Variants in VAV3 observed in about 807,000 individuals in gnomAD.
The protein encoded by VAV3 is vav guanine nucleotide exchange factor 3.
In VAV3, 94 loss-of-function variants were observed where a neutral mutation model predicts 131.2. The observed-to-expected ratio is 0.72, with a 90% CI of 0.61 to 0.85. The LOEUF (loss-of-function observed/expected upper bound fraction) is 0.85, where lower values mean the gene tolerates loss of function less well. Ranked by LOEUF, VAV3 falls within the 40% of genes least tolerant of loss-of-function variation. VAV3 has a pLI of 0.00. For synonymous variants in VAV3, 349 were observed against 342.0 expected, an observed-to-expected ratio of 1.02 and a Z score of -0.22; for missense variants, 939 against 1,002.7, an observed-to-expected ratio of 0.94 and a Z score of 0.86.
In VAV3 at chr1:107,777,315, A is replaced by G; in HGVS notation, c.381-19T>C. On this transcript the variant is annotated intron_variant, in intron 3 of 26. Coordinates refer to ENST00000370056, the MANE Select transcript of VAV3 (RefSeq NM_006113.5). ...GAAGGGCCTAGGAAGAGGAGAAAAA[A>G]CAAAAACAAAAAAACAAACCCATGA... is the stretch of plus-strand genomic sequence containing the variant. 6.2e-7 allele frequency: 1 copy of G among 1,611,420 alleles called. No homozygotes were observed. Among genetic ancestry groups the G allele is most frequent in the Non-Finnish European group, 8.5e-7 (1 of 1,178,606 alleles).
At chr1:107,878,029 GTTTA>G (rs1670587282) in intron 1 of VAV3, among the ~76,000 whole-genome samples, 3 of 151,576 alleles carry the variant, frequency 2.0e-5, no homozygotes, top group Non-Finnish European at 4.4e-5. Context: ...TTTTTTTCCA[GTTTA>G]TTTATTTTAT....
chr1:107,757,374 C>A, intron 10 of VAV3, 45 bp from the exon 11 acceptor site: 1 of 1,453,950 alleles, frequency 6.9e-7, no homozygotes, highest in Non-Finnish European at 9.5e-7. Context: ...CAAATTAAAA[C>A]TAAGACATAC....
At chr1:107,908,569 T>C (rs1672212841) in intron 1 of VAV3, among the ~76,000 whole-genome samples, 1 of 152,174 alleles carries the variant, frequency 6.6e-6, no homozygotes, top group Non-Finnish European at 1.5e-5. Context: ...GTGTACTGCA[T>C]TTGTAACATG....
At chr1:107,896,814 T>C (rs1386959923) in intron 1 of VAV3, among the ~76,000 whole-genome samples, 2 of 152,208 alleles carry the variant, frequency 1.3e-5, no homozygotes, top group African/African-American at 4.8e-5. Flanking sequence ...GTTTTTGTTA[T>C]GTATTAGAGG....
At chr1:107,736,388 T>C (rs1490324435) in intron 15 of VAV3, among the ~76,000 whole-genome samples, 1 of 152,046 alleles carries the variant, frequency 6.6e-6, no homozygotes, top group African/African-American at 2.4e-5. Context: ...AAATAAAGGG[T>C]ATTCAATTAG....
chr1:107,837,809 T>C (rs1043596434), intron 2 of VAV3, among the ~76,000 whole-genome samples: 6 of 152,142 alleles, frequency 3.9e-5, no homozygotes, highest in Non-Finnish European at 7.4e-5. Flanking sequence ...TTTCAATAAA[T>C]GGTACTGGCA....
chr1:107,814,145 T>C (rs903530141), intron 2 of VAV3, among the ~76,000 whole-genome samples: 7 of 152,150 alleles, frequency 4.6e-5, no homozygotes, highest in African/African-American at 1.7e-4. Context: ...ATATACTTTT[T>C]TTCTTTCCTT....
intron 19 of VAV3, among the ~76,000 whole-genome samples, chr1:107,658,434 C>A (rs1270497816): frequency 1.5e-4 from 23 of 152,220 alleles, no homozygotes; most frequent in African/African-American, 5.5e-4. Flanking sequence ...TTTATAGCAG[C>A]ATGATTTATA....
At chr1:107,917,351 TTC>T in intron 1 of VAV3, among the ~76,000 whole-genome samples, 1 of 152,114 alleles carries the variant, frequency 6.6e-6, no homozygotes, top group Non-Finnish European at 1.5e-5. Flanking sequence ...TTCATGGACA[TTC>T]TGACACAATC....
At chr1:107,720,146 A>G (rs1237390961) in intron 15 of VAV3, among the ~76,000 whole-genome samples, 1 of 152,136 alleles carries the variant, frequency 6.6e-6, no homozygotes, top group Non-Finnish European at 1.5e-5. Flanking sequence ...CCAACACAGC[A>G]CATGTATACA....
rs1675008919 is a variant in VAV3 at position 107,960,054 on chromosome 1, T to G, written c.204+4612A>C. ...AGCCTATTCTTCCCACCATCTGCCCTGCTATTGCTTTGGTAAAAGCCGCCA... is the reference window on the plus strand; with the variant it reads ...AGCCTATTCTTCCCACCATCTGCCCGGCTATTGCTTTGGTAAAAGCCGCCA... On this transcript the variant is annotated intron_variant, in intron 1 of 26. Transcript: ENST00000370056. Among the ~76,000 whole-genome samples, 4 of 152,222 alleles carry G rather than the reference T, an allele frequency of 2.6e-5. No homozygotes were observed. In the South Asian group the frequency reaches 6.2e-4, roughly 24 times the overall value.
intron 1 of VAV3, among the ~76,000 whole-genome samples, chr1:107,958,218 C>A (rs886841622): frequency 6.6e-6 from 1 of 152,196 alleles, no homozygotes; most frequent in Admixed American, 6.5e-5. Context: ...TGTTACTAGG[C>A]ACACCATTCT....
chr1:107,832,388 G>C (rs17020148), intron 2 of VAV3, among the ~76,000 whole-genome samples: 14,188 of 152,240 alleles, frequency 0.093, 839 homozygotes, highest in East Asian at 0.25. Flanking sequence ...GATAAGAACA[G>C]GAAGAACCTT....
At chr1:107,684,381 G>A (rs1268497825) in intron 18 of VAV3, among the ~76,000 whole-genome samples, 1 of 152,196 alleles carries the variant, frequency 6.6e-6, no homozygotes, top group Non-Finnish European at 1.5e-5. Flanking sequence ...CTTTTTATGT[G>A]TTGGGGTTTG....
chr1:107,632,255 T>C (rs991505732), intron 20 of VAV3, among the ~76,000 whole-genome samples: 4 of 152,192 alleles, frequency 2.6e-5, no homozygotes, highest in Non-Finnish European at 4.4e-5. Context: ...TAAAATCTAC[T>C]TATGCCTGGG....
At chr1:107,594,286 T>C (rs1651194646) in intron 25 of VAV3, among the ~76,000 whole-genome samples, 1 of 152,122 alleles carries the variant, frequency 6.6e-6, no homozygotes, top group East Asian at 1.9e-4. Flanking sequence ...AGGAACTTTG[T>C]CTTCTTAATT....
chr1:107,636,090 TAAGGA>T (rs1160865077), intron 20 of VAV3, among the ~76,000 whole-genome samples: 1 of 152,178 alleles, frequency 6.6e-6, no homozygotes, highest in African/African-American at 2.4e-5. Flanking sequence ...ATCATTACTA[TAAGGA>T]AAGAATAAAT....
At chr1:107,824,074 G>C (rs1667909509) in intron 2 of VAV3, among the ~76,000 whole-genome samples, 2 of 152,296 alleles carry the variant, frequency 1.3e-5, no homozygotes, top group Middle Eastern at 6.8e-3. Flanking sequence ...TCAAGAAGCA[G>C]GGAGACGTGA....
chr1:107,651,109 G>C lies in VAV3; in HGVS notation c.1778-8354C>G, dbSNP rs749613177. ...AGAGCTCCCTCACCCCATCTACCACGTGAGAACACTGAGAAGACAGCCATC... is the reference window on the plus strand; with the variant it reads ...AGAGCTCCCTCACCCCATCTACCACCTGAGAACACTGAGAAGACAGCCATC... On this transcript the variant is annotated intron_variant, in intron 19 of 26. Transcript: ENST00000370056. Among the ~76,000 whole-genome samples the C allele has an allele frequency of 1.3e-5, 2 of 152,044 alleles. 1 individual carries two copies. The highest frequency in any genetic ancestry group is 1.3e-4 in the Admixed American group (2 of 15,250).
Sources: gnomAD v4.1 joint callset for allele counts (sites outside exome capture counted in the v4.1 genomes callset) on GRCh38, gnomAD v4.1.1 for gene constraint, MANE v1.5 for transcripts, NCBI Gene and HGNC (gene_info 2026-07-23, HGNC 2026-07-21) for gene names.